Variants in GATA6 observed in about 807,000 individuals in gnomAD.
GATA6 encodes the protein transcription factor GATA-6.
A neutral mutation model predicts 48.1 loss-of-function variants in GATA6; 11 were observed. The ratio of observed to expected loss-of-function variants is 0.23; its 90% CI spans 0.14 to 0.38. GATA6 has a LOEUF of 0.38. GATA6 is among the 10% of genes least tolerant of loss of function. The pLI, the probability that GATA6 is intolerant of heterozygous loss-of-function variation, is 1.00. For missense variants in GATA6, 795 were observed against 850.3 expected, an observed-to-expected ratio of 0.93 and a Z score of 0.81; for synonymous variants, 419 against 396.1, an observed-to-expected ratio of 1.06 and a Z score of -0.69.
chr18:22,177,751 C>T (rs1246662302), intron 3 of GATA6, among the ~76,000 whole-genome samples: 1 of 152,154 alleles, frequency 6.6e-6, no homozygotes, highest in East Asian at 1.9e-4. Context: ...TTTCCACCTT[C>T]TTGGTCACTT....
chr18:22,196,265 T>C (rs2143334740), intron 6 of GATA6, among the ~76,000 whole-genome samples: 1 of 152,314 alleles, frequency 6.6e-6, no homozygotes, highest in South Asian at 2.1e-4. Context: ...TAGGAGTGCA[T>C]CACTCATGGA....
chr18:22,171,084 C>T lies in GATA6; in HGVS notation c.-37-24C>T, dbSNP rs933186815. 10 of 1,466,934 alleles carry T rather than the reference C, an allele frequency of 6.8e-6. No homozygotes were observed. The highest frequency in any genetic ancestry group is 9.4e-6 in the Non-Finnish European group (10 of 1,065,132). 90.9% of individuals were successfully genotyped at this position (1,466,934 alleles called of 1,614,324 possible). ...GTTAACCCGTCGATCTCCTACCATA[C>T]CCGTCTCCCCCACCCCACCTCAGGA... On this transcript the variant is annotated intron_variant, in intron 1 of 6. Transcript: ENST00000269216. This position sits in a 1 kb window ranked among gnomAD's most constrained non-coding sequence, Gnocchi z 7.1.
chr18:22,171,404 C>G lies in GATA6; in HGVS notation c.260C>G (p.Pro87Arg). The change falls in exon 2 of 7, where the codon CCC becomes CGC. Residue 87 changes from proline to arginine, a missense_variant. Transcript: ENST00000269216. The surrounding 1 kb of genome is among the most constrained non-coding windows in gnomAD (Gnocchi z 7.1). ...CTGCTCAGTTCCTACGCTTCGCATC[C>G]CTTCGGGGCTCCCCACGGACCTTCG... is the stretch of plus-strand genomic sequence containing the variant. ...SLLLSSYASH[P>R]FGAPHGPSAP... is the part of the protein sequence containing the mutation. 6.3e-7 allele frequency: 1 copy of G among 1,589,040 alleles called. No individual in the cohort carries two copies. The highest frequency in any genetic ancestry group is 8.5e-7 in the Non-Finnish European group (1 of 1,175,322).
chr18:22,177,189 C>T, intron 3 of GATA6, 68 bp downstream of exon 3: 1 of 1,443,642 alleles, frequency 6.9e-7, no homozygotes, highest in South Asian at 1.4e-5. Flanking sequence ...GCCGGCCCCG[C>T]CCTGGCTCGG....
In GATA6 at chr18:22,171,573, G is replaced by A; in HGVS notation, c.429G>A (p.Gln143=). Residue 143 remains glutamine (Q), a synonymous_variant, in exon 2 of 7, where the codon CAG becomes CAA. Transcript: ENST00000269216. This position sits in a 1 kb window ranked among gnomAD's most constrained non-coding sequence, Gnocchi z 7.1. ...AGCTGAGCCCCTTCGCACCCGAGCAGCCGGAGGAGATGTACCAGACCCTCG... is the reference window on the plus strand; with the variant it reads ...AGCTGAGCCCCTTCGCACCCGAGCAACCGGAGGAGATGTACCAGACCCTCG... ...GAKLSPFAPE[Q]PEEMYQTLAA... 1 of 1,602,824 alleles carries A rather than the reference G, an allele frequency of 6.2e-7. No individual in the cohort carries two copies.
chr18:22,171,946 A>G lies in GATA6; in HGVS notation c.802A>G (p.Ser268Gly). 1 of 1,195,648 alleles carries G rather than the reference A, an allele frequency of 8.4e-7. No homozygotes were observed. Among genetic ancestry groups the G allele is most frequent in the Non-Finnish European group, 1.0e-6 (1 of 965,362 alleles). 74.1% of individuals were successfully genotyped at this position (1,195,648 alleles called of 1,614,324 possible). The change falls in exon 2 of 7, where the codon AGC (serine) becomes GGC (glycine). Residue 268 changes from serine to glycine, a missense_variant. By Grantham distance (56) the Ser-to-Gly change is moderately conservative. This residue lies in a region of GATA6 where 591 missense variants were observed against 570.0 expected (regional missense o/e 1.04). Transcript: ENST00000269216. The surrounding 1 kb of genome is among the most constrained non-coding windows in gnomAD (Gnocchi z 7.1). The stretch of plus-strand genomic sequence containing the variant: ...CTCGGCGCGCTTCCCCTACTCTCCC[A>G]GCCCGCCCATGGCCAACGGCGCCGC... ...HVSARFPYSP[S>G]PPMANGAARE...
chr18:22,202,289 G>A lies in GATA6; in HGVS notation c.*1466G>A, dbSNP rs572322336. Reference sequence around the variant, plus strand: ...GCTTAAAAATATTCCAGAAAGTTCAGATTTTTTTTCTTTGTGAATGAAATA... The same window carrying A: ...GCTTAAAAATATTCCAGAAAGTTCAAATTTTTTTTCTTTGTGAATGAAATA... On this transcript the variant is annotated 3_prime_UTR_variant, in exon 7 of 7. Transcript: ENST00000269216. The A allele has an allele frequency of 6.6e-6, 1 of 152,224 alleles. No individual in the cohort carries two copies. Among genetic ancestry groups the A allele is most frequent in the African/African-American group, 2.4e-5 (1 of 41,550 alleles). The allele number at this position is 152,224 out of a possible 1,614,324, so 9.4% of individuals were successfully genotyped here.
At chr18:22,174,518 T>G (rs2033096891) in intron 2 of GATA6, among the ~76,000 whole-genome samples, 1 of 146,462 alleles carries the variant, frequency 6.8e-6, no homozygotes, top group African/African-American at 2.8e-5. Context: ...GAAGATTTGT[T>G]ATTTTTTTAA....
Position 22,171,495 on chromosome 18 carries a change from C to T in GATA6, c.351C>T (p.Asp117=). Residue 117 remains aspartate, a synonymous_variant, in exon 2 of 7, where the codon GAC becomes GAT. Transcript: ENST00000269216. The surrounding 1 kb of genome is among the most constrained non-coding windows in gnomAD (Gnocchi z 7.1). ...GGGAGGACTTGCTGCTGTTCACTGA[C>T]CTCGACCAAGCCGCGACCGCCAGCA... is the stretch of plus-strand genomic sequence containing the variant. ...SSWEDLLLFT[D]LDQAATASKL... 6.2e-7 allele frequency: 1 copy of T among 1,602,244 alleles called. No homozygotes were observed. Among genetic ancestry groups the T allele is most frequent in the South Asian group, 1.1e-5 (1 of 91,046 alleles).
Position 22,172,682 on chromosome 18 carries a change from G to A in GATA6, c.1135+403G>A, listed in dbSNP as rs1439501860. The stretch of plus-strand genomic sequence containing the variant: ...GGTGAGTGGAAGAAATTCCACGATG[G>A]GAGTAAGTTTGGGAGAGTGGCGGGC... On this transcript the variant is annotated intron_variant, in intron 2 of 6. Coordinates refer to ENST00000269216, the MANE Select transcript of GATA6 (RefSeq NM_005257.6). This position sits in a 1 kb window ranked among gnomAD's most constrained non-coding sequence, Gnocchi z 5.2. 2.0e-5 allele frequency among the ~76,000 whole-genome samples: 3 copies of A among 152,166 alleles called. No individual in the cohort carries two copies. Among genetic ancestry groups the A allele is most frequent in the Non-Finnish European group, 4.4e-5 (3 of 68,030 alleles).
At chr18:22,199,934 A>C (rs1167602570) in intron 6 of GATA6, among the ~76,000 whole-genome samples, 2 of 151,108 alleles carry the variant, frequency 1.3e-5, no homozygotes, top group African/African-American at 4.9e-5. Flanking sequence ...GAAAGAAATC[A>C]TTGCCATGAT....
chr18:22,184,877 A>C (rs1267270636), intron 6 of GATA6, among the ~76,000 whole-genome samples: 1 of 152,204 alleles, frequency 6.6e-6, no homozygotes, highest in Non-Finnish European at 1.5e-5. Context: ...TTTCTAAAGC[A>C]GGGAGGGAGC....
chr18:22,169,687 G>C lies in GATA6; in HGVS notation c.-38+5G>C, dbSNP rs1015224754. ...CATGCGCAGCGCCCGCCCGAGGTTC[G>C]GCTGCTTCCTCCTCGCGCGATCTCC... On this transcript the variant is annotated splice_donor_5th_base_variant and intron_variant, in intron 1 of 6. Coordinates refer to ENST00000269216, the MANE Select transcript of GATA6 (RefSeq NM_005257.6). 6.6e-6 allele frequency: 1 copy of C among 152,246 alleles called. No homozygotes were observed. Among genetic ancestry groups the C allele is most frequent in the African/African-American group, 2.4e-5 (1 of 41,440 alleles). The allele number at this position is 152,246 out of a possible 1,614,324, so 9.4% of individuals were successfully genotyped here.
Position 22,171,344 on chromosome 18 carries a change from C to T in GATA6, c.200C>T (p.Thr67Met), listed in dbSNP as rs933199729. The T allele has an allele frequency of 6.3e-7, 1 of 1,586,114 alleles. No homozygotes were observed. Among genetic ancestry groups the T allele is most frequent in the Non-Finnish European group, 8.5e-7 (1 of 1,173,454 alleles). ...AACTGCGGGACGCCTCAGCTCGACA[C>T]GGAGGCGGCGGCCGGACCCCCGGCC... is the stretch of plus-strand genomic sequence containing the variant. Reference protein sequence around the residue: ...ASNCGTPQLDTEAAAGPPARS... With the variant: ...ASNCGTPQLDMEAAAGPPARS... The change falls in exon 2 of 7, where the codon ACG becomes ATG. Residue 67 changes from threonine (T) to methionine (M), a missense_variant. Thr to Met is a moderately conservative substitution (Grantham distance 81). Coordinates refer to ENST00000269216, the MANE Select transcript of GATA6 (RefSeq NM_005257.6). The surrounding 1 kb of genome is among the most constrained non-coding windows in gnomAD (Gnocchi z 7.1).
chr18:22,187,980 T>TAATCCCAGTTCTTTGGGAGAC (rs2033284112), intron 6 of GATA6, among the ~76,000 whole-genome samples: 1 of 152,138 alleles, frequency 6.6e-6, no homozygotes, highest in East Asian at 1.9e-4. Context: ...CTCACGCCTG[T>TAATCCCAGTTCTTTGGGAGAC]AATCCCAGTT....
At position 22,182,829 on chromosome 18, in the gene GATA6, T is replaced by C; in HGVS notation, c.1501T>C (p.Ser501Pro). Residue 501 changes from serine to proline, a missense_variant, in exon 5 of 7, where the codon TCA becomes CCA. By Grantham distance (74) the Ser-to-Pro change is moderately conservative. Around this residue, in one of 5 missense-constraint regions of GATA6, gnomAD observed 24 missense variants for 43.6 expected, o/e 0.55. Transcript: ENST00000269216. ...RKRKPKNINK[S>P]KTCSGNSNNS... ...ACGAAAACCTAAGAACATAAATAAA[T>C]CAAAGACTTGCTCTGGTAAATATAC... 1 of 1,613,486 alleles carries C rather than the reference T, an allele frequency of 6.2e-7. No individual in the cohort carries two copies. Among genetic ancestry groups the C allele is most frequent in the South Asian group, 1.1e-5 (1 of 91,052 alleles).
Position 22,201,464 on chromosome 18 carries a change from A to AT in GATA6, c.*648dup, listed in dbSNP as rs1474497500. The AT allele has an allele frequency of 1.3e-5, 2 of 152,822 alleles. No homozygotes were observed. The highest frequency in any genetic ancestry group is 2.9e-5 in the Non-Finnish European group (2 of 68,166). 9.5% of individuals were successfully genotyped at this position (152,822 alleles called of 1,614,324 possible). A position where few individuals can be genotyped will look rare whatever the true frequency, so the allele number is the denominator to read the frequency against. Reference sequence around the variant, plus strand: ...ATATTTTTCTTCCATGTATACAATAATTTTTTTAAAAAGTGCAATTTGCGT... The same window carrying AT: ...ATATTTTTCTTCCATGTATACAATAATTTTTTTTAAAAAGTGCAATTTGCGT... On this transcript the variant is annotated 3_prime_UTR_variant, in exon 7 of 7. Coordinates refer to ENST00000269216, the MANE Select transcript of GATA6 (RefSeq NM_005257.6).
Position 22,171,477 on chromosome 18 carries a change from C to G in GATA6, c.333C>G (p.Asp111Glu). ...GGGGCAACCTGTCGAGCTGGGAGGA[C>G]TTGCTGCTGTTCACTGACCTCGACC... Reference protein sequence around the residue: ...GPGGNLSSWEDLLLFTDLDQA... With the variant: ...GPGGNLSSWEELLLFTDLDQA... The change falls in exon 2 of 7, where the codon GAC becomes GAG. Residue 111 changes from aspartate (D) to glutamate (E), a missense_variant. By Grantham distance (45) the Asp-to-Glu change is conservative (BLOSUM62 2). Around this residue, in one of 5 missense-constraint regions of GATA6, gnomAD observed 591 missense variants for 570.0 expected, o/e 1.04. Transcript: ENST00000269216. This position sits in a 1 kb window ranked among gnomAD's most constrained non-coding sequence, Gnocchi z 7.1. 1 of 1,601,036 alleles carries G rather than the reference C, an allele frequency of 6.2e-7. No individual in the cohort carries two copies. Among genetic ancestry groups the G allele is most frequent in the Non-Finnish European group, 8.5e-7 (1 of 1,179,522 alleles).
intron 6 of GATA6, among the ~76,000 whole-genome samples, chr18:22,190,791 A>G (rs2033316449): frequency 6.6e-6 from 1 of 152,176 alleles, no homozygotes; most frequent in South Asian, 2.1e-4. Context: ...GCCACATGCT[A>G]CAAGCCATGA....
Sources: gnomAD v4.1 joint callset for allele counts (sites outside exome capture counted in the v4.1 genomes callset) on GRCh38, gnomAD v4.1.1 for gene constraint, gnomAD v4.1.1 regional missense constraint, Gnocchi (gnomAD v3.1) non-coding constraint, MANE v1.5 for transcripts, NCBI Gene and HGNC (gene_info 2026-07-23, HGNC 2026-07-21) for gene names.